Variants in HDGFL2 observed in about 807,000 individuals in gnomAD.
HDGFL2 encodes the protein hepatoma-derived growth factor-related protein 2.
In HDGFL2, 36 loss-of-function variants were observed where a neutral mutation model predicts 77.1. The ratio of observed to expected loss-of-function variants is 0.47; its 90% CI spans 0.36 to 0.62. The LOEUF (loss-of-function observed/expected upper bound fraction) is 0.62, where lower values mean the gene tolerates loss of function less well. HDGFL2 is among the 20% of genes least tolerant of loss of function. The pLI is 0.00. For missense variants in HDGFL2, 976 were observed against 973.4 expected, an observed-to-expected ratio of 1.00 and a Z score of -0.04; for synonymous variants, 463 against 413.1, an observed-to-expected ratio of 1.12 and a Z score of -1.46.
At position 4,491,702 on chromosome 19, in the gene HDGFL2, G is replaced by A; in HGVS notation, c.606+20G>A. 2 of 1,613,596 alleles carry A rather than the reference G, an allele frequency of 1.2e-6. No individual in the cohort carries two copies. The highest frequency in any genetic ancestry group is 1.7e-5 in the Admixed American group (1 of 60,026). On this transcript the variant is annotated intron_variant, in intron 5 of 15. Transcript: ENST00000616600. ...GACCAGGTGGGCCAGTGGCTCCTTG[G>A]GATGGCAGGGAAGCGTGGTGGCTGC...
chr19:4,480,501 C>T (rs1195715967), intron 3 of HDGFL2, among the ~76,000 whole-genome samples: 1 of 152,150 alleles, frequency 6.6e-6, no homozygotes, highest in East Asian at 1.9e-4. Context: ...GGTGGATCAC[C>T]TGAGGTCAGG....
At chr19:4,495,788 G>A (rs1975686228) in intron 9 of HDGFL2, among the ~76,000 whole-genome samples, 1 of 152,078 alleles carries the variant, frequency 6.6e-6, no homozygotes, top group Non-Finnish European at 1.5e-5. Context: ...GCCTCCTAGG[G>A]TGGTGACTGT....
Position 4,494,192 on chromosome 19 carries a change from G to A in HDGFL2, c.941G>A (p.Ser314Asn). The A allele has an allele frequency of 6.7e-7, 1 of 1,491,144 alleles. No homozygotes were observed. Among genetic ancestry groups the A allele is most frequent in the Non-Finnish European group, 8.9e-7 (1 of 1,124,308 alleles). 92.4% of individuals were successfully genotyped at this position (1,491,144 alleles called of 1,614,324 possible). A position where few individuals can be genotyped will look rare whatever the true frequency, so the allele number is the denominator to read the frequency against. The part of the protein sequence containing the change: ...DSDSDEVDRI[S>N]EWKRRDEARR... ...GACAGCGACGAGGTGGACCGCATCA[G>A]TGAGTGGAAGCGGCGGGACGAGGCG... The change falls in exon 9 of 16, where the codon AGT becomes AAT. Residue 314 changes from serine (S) to asparagine (N), a missense_variant. Ser to Asn is a conservative substitution (Grantham distance 46). Coordinates refer to ENST00000616600, the MANE Select transcript of HDGFL2 (RefSeq NM_001001520.3).
chr19:4,484,087 CCTT>C (rs1201369616), intron 3 of HDGFL2, among the ~76,000 whole-genome samples: 1 of 144,874 alleles, frequency 6.9e-6, no homozygotes, highest in East Asian at 2.0e-4. Context: ...CTGCACCCGG[CCTT>C]TTTTTTTTTT....
At chr19:4,492,989 AGTG>A (rs774654303) in intron 6 of HDGFL2, among the ~76,000 whole-genome samples, 59 of 62,494 alleles carry the variant, frequency 9.4e-4, no homozygotes, top group Non-Finnish European at 1.4e-3. Flanking sequence ...GTCTGTGTGT[AGTG>A]TGTGTGTGGT....
At position 4,493,688 on chromosome 19, in the gene HDGFL2, C is replaced by T; in HGVS notation, c.679-15C>T. The T allele has an allele frequency of 6.9e-7, 1 of 1,447,712 alleles. No individual in the cohort carries two copies. Among genetic ancestry groups the T allele is most frequent in the Non-Finnish European group, 9.1e-7 (1 of 1,093,738 alleles). The allele number at this position is 1,447,712 out of a possible 1,614,324, so 89.7% of individuals were successfully genotyped here. A position where few individuals can be genotyped will look rare whatever the true frequency, so the allele number is the denominator to read the frequency against. On this transcript the variant is annotated splice_polypyrimidine_tract_variant and intron_variant, in intron 6 of 15. Coordinates refer to ENST00000616600, the MANE Select transcript of HDGFL2 (RefSeq NM_001001520.3). Reference sequence around the variant, plus strand: ...GGGGCTCCTGATGCTCACGCCTGTCCCTGCTTCTCCCCAGAAGGCGCCATC... The same window carrying T: ...GGGGCTCCTGATGCTCACGCCTGTCTCTGCTTCTCCCCAGAAGGCGCCATC...
chr19:4,501,703 C>T, intron 15 of HDGFL2: 1 of 519,632 alleles, frequency 1.9e-6, no homozygotes, highest in Non-Finnish European at 3.3e-6. Flanking sequence ...CAGCAGCTGC[C>T]TTGTGCTATG....
Position 4,501,272 on chromosome 19 carries a change from A to T in HDGFL2, c.1871A>T (p.Asp624Val). ...AEDKEHEEGRDSEEGPRCGSS... is the reference protein window; with the variant it reads ...AEDKEHEEGRVSEEGPRCGSS... ...GACAAGGAGCACGAGGAGGGTCGGG[A>T]CTCGGAGGAGGGGCCAAGGTGTGGC... is the stretch of plus-strand genomic sequence containing the variant. The change falls in exon 15 of 16, where the codon GAC (aspartate) becomes GTC (valine). Residue 624 changes from aspartate (D) to valine (V), a missense_variant. Transcript: ENST00000616600. The T allele has an allele frequency of 6.2e-7, 1 of 1,612,416 alleles. No individual in the cohort carries two copies. Among genetic ancestry groups the T allele is most frequent in the Non-Finnish European group, 8.5e-7 (1 of 1,179,128 alleles).
chr19:4,491,789 C>T lies in HDGFL2; in HGVS notation c.632C>T (p.Ala211Val), dbSNP rs371700539. ...DQDFTPEKKA[A>V]VRAPRRGPLG... ...GACTTCACACCTGAGAAGAAAGCAG[C>T]GGTCCGGGCGCCACGGAGGGGCCCT... The change falls in exon 6 of 16, where the codon GCG becomes GTG. Residue 211 changes from alanine (A) to valine (V), a missense_variant. Transcript: ENST00000616600. The T allele has an allele frequency of 8.1e-6, 13 of 1,613,844 alleles. No homozygotes were observed. The highest frequency in any genetic ancestry group is 5.0e-5 in the Admixed American group (3 of 59,988).
intron 1 of HDGFL2, 28 bp downstream of exon 1, chr19:4,472,450 TGGGGGGGGGGGGGGGGGCAGC>T: frequency 3.6e-6 from 1 of 280,526 alleles, no homozygotes; most frequent in Non-Finnish European, 5.9e-6. Context: ...ATGGGGCCGG[TGGGGGGGGGGGGGGGGGCAGC>T]GGGGGCCCCG....
At chr19:4,497,190 TTTTG>T (rs1975727553) in intron 10 of HDGFL2, 1 of 425,874 alleles carries the variant, frequency 2.3e-6, no homozygotes, top group African/African-American at 2.7e-5. Context: ...ACGTTTTTGT[TTTTG>T]TTTTTGTTTT....
intron 1 of HDGFL2, chr19:4,474,892 C>A: frequency 6.6e-6 from 1 of 152,270 alleles, no homozygotes; most frequent in Admixed American, 6.7e-5. Flanking sequence ...CTTGGAGCTG[C>A]CAGCTGCATC....
At chr19:4,483,339 CAGCCTCTCCTCCCGGCGCGGG>C (rs1975270821) in intron 3 of HDGFL2, among the ~76,000 whole-genome samples, 1 of 152,154 alleles carries the variant, frequency 6.6e-6, no homozygotes, top group Admixed American at 6.5e-5. Flanking sequence ...TGTGGGCTCC[CAGCCTCTCCTCCCGGCGCGGG>C]AGGACCAGGC....
chr19:4,501,949 G>A lies in HDGFL2; in HGVS notation c.1955G>A (p.Ser652Asn), dbSNP rs1568220778. ...REGPDLDRPG[S>N]DRQERERARG... ...GGTCCCGACCTGGACAGGCCTGGGA[G>A]CGACCGGCAGGAGCGCGAGAGGGCA... Residue 652 changes from serine to asparagine, a missense_variant, in exon 16 of 16, where the codon AGC becomes AAC. Around this residue, in one of 5 missense-constraint regions of HDGFL2, gnomAD observed 229 missense variants for 187.3 expected, o/e 1.22. Coordinates refer to ENST00000616600, the MANE Select transcript of HDGFL2 (RefSeq NM_001001520.3). 1.3e-6 allele frequency: 2 copies of A among 1,500,010 alleles called. No individual in the cohort carries two copies. The highest frequency in any genetic ancestry group is 8.8e-7 in the Non-Finnish European group (1 of 1,130,628). 92.9% of individuals were successfully genotyped at this position (1,500,010 alleles called of 1,614,324 possible).
chr19:4,492,890 T>C (rs1256942267), intron 6 of HDGFL2, among the ~76,000 whole-genome samples: 12 of 110,744 alleles, frequency 1.1e-4, no homozygotes, highest in Middle Eastern at 5.7e-3. Flanking sequence ...GTGTGTGTTA[T>C]CTGTGGTGTG....
chr19:4,488,201 C>T (rs1288960624), intron 3 of HDGFL2, among the ~76,000 whole-genome samples: 2 of 152,150 alleles, frequency 1.3e-5, no homozygotes, highest in African/African-American at 2.4e-5. Context: ...GAACACCTGA[C>T]CTCAGGTGAT....
intron 3 of HDGFL2, among the ~76,000 whole-genome samples, chr19:4,476,696 G>A (rs2145153202): frequency 6.6e-6 from 1 of 151,030 alleles, no homozygotes; most frequent in Middle Eastern, 3.4e-3. Flanking sequence ...CATCTCATTG[G>A]CAAATGAGTG....
At chr19:4,483,047 C>A (rs1975261419) in intron 3 of HDGFL2, among the ~76,000 whole-genome samples, 1 of 152,212 alleles carries the variant, frequency 6.6e-6, no homozygotes, top group African/African-American at 2.4e-5. Flanking sequence ...CGAGCCCTTC[C>A]CCAAAGGCTC....
Position 4,498,334 on chromosome 19 carries a change from G to A in HDGFL2, c.1431G>A (p.Lys477=). The A allele has an allele frequency of 6.2e-7, 1 of 1,613,782 alleles. No homozygotes were observed. The highest frequency in any genetic ancestry group is 8.5e-7 in the Non-Finnish European group (1 of 1,179,994). The change falls in exon 12 of 16, where the codon AAG becomes AAA. Residue 477 remains lysine (K), a synonymous_variant. Transcript: ENST00000616600. ...CCTCCGTGGAGGAGAAGCTGCAGAA[G>A]CTGCACAGTGAGATCAAGTTTGCCC... is the stretch of plus-strand genomic sequence containing the variant. The part of the protein sequence containing the change: ...KEPSVEEKLQ[K]LHSEIKFALK...
Sources: allele counts gnomAD v4.1 joint callset (sites outside exome capture counted in the v4.1 genomes callset), GRCh38; gene constraint gnomAD v4.1.1; regional missense constraint gnomAD v4.1.1; transcripts MANE v1.5; gene names NCBI Gene and HGNC (gene_info 2026-07-23, HGNC 2026-07-21).